Variants in VWC2L observed in about 807,000 individuals in gnomAD.
VWC2L encodes von Willebrand factor C domain-containing protein 2-like.
VWC2L carries 10 observed loss-of-function variants against 21.6 expected under a neutral mutation model. The ratio of observed to expected loss-of-function variants is 0.46; its 90% CI spans 0.29 to 0.78. VWC2L has a LOEUF of 0.78. Ranked by LOEUF, VWC2L falls within the 30% of genes least tolerant of loss-of-function variation. VWC2L has a pLI of 0.10. For missense variants in VWC2L, 209 were observed against 277.1 expected (o/e 0.75, Z 1.74); for synonymous variants, 96 against 94.3 (o/e 1.02, Z -0.10).
At chr2:214,441,716 A>G (rs2126180699) in intron 3 of VWC2L, among the ~76,000 whole-genome samples, 1 of 152,160 alleles carries the variant, frequency 6.6e-6, no homozygotes, top group African/African-American at 2.4e-5. Flanking sequence ...GGATAATTAA[A>G]TATATAACAG....
At chr2:214,433,445 G>T (rs1702633624) in intron 2 of VWC2L, among the ~76,000 whole-genome samples, 1 of 151,930 alleles carries the variant, frequency 6.6e-6, no homozygotes, top group South Asian at 2.1e-4. Flanking sequence ...AATGCTAGTA[G>T]AAATAATTTT....
chr2:214,518,717 C>T (rs1202734139), intron 3 of VWC2L, among the ~76,000 whole-genome samples: 1 of 150,600 alleles, frequency 6.6e-6, no homozygotes, highest in African/African-American at 2.4e-5. Context: ...CTCAGTAGTA[C>T]TGTATATCTT....
At position 214,577,751 on chromosome 2, in the gene VWC2L, T is replaced by G. The variant is rs192567497; in HGVS notation, c.*1931T>G. The stretch of plus-strand genomic sequence containing the variant: ...TTTAAAATTGTCAGCCTCTCCTCCC[T>G]GGAAGCATCTGCTGTCATCAAGAAA... On this transcript the variant is annotated 3_prime_UTR_variant, in exon 4 of 4. Coordinates refer to ENST00000312504, the MANE Select transcript of VWC2L (RefSeq NM_001080500.4). 1 of 152,216 alleles carries G rather than the reference T, an allele frequency of 6.6e-6. No individual in the cohort carries two copies. Among genetic ancestry groups the G allele is most frequent in the Non-Finnish European group, 1.5e-5 (1 of 68,054 alleles). The allele number at this position is 152,216 out of a possible 1,614,324, so 9.4% of individuals were successfully genotyped here.
intron 3 of VWC2L, among the ~76,000 whole-genome samples, chr2:214,471,519 A>G (rs1269847620): frequency 6.6e-6 from 1 of 152,220 alleles, no homozygotes; most frequent in Non-Finnish European, 1.5e-5. Flanking sequence ...TCTTCACAAC[A>G]GCCCTTTTGC....
chr2:214,448,926 C>T (rs1286087991), intron 3 of VWC2L, among the ~76,000 whole-genome samples: 2 of 152,072 alleles, frequency 1.3e-5, no homozygotes, highest in Non-Finnish European at 2.9e-5. Flanking sequence ...CACTCAATGC[C>T]CTCTGAGTCA....
chr2:214,467,944 G>C (rs540017206), intron 3 of VWC2L, among the ~76,000 whole-genome samples: 1 of 152,094 alleles, frequency 6.6e-6, no homozygotes, highest in Non-Finnish European at 1.5e-5. Flanking sequence ...CCAGGAGTTA[G>C]AGACCAGCCT....
chr2:214,418,578 G>C (rs529889721), intron 2 of VWC2L, among the ~76,000 whole-genome samples: 1 of 152,146 alleles, frequency 6.6e-6, no homozygotes, highest in African/African-American at 2.4e-5. Context: ...TGAACCCTTC[G>C]AGGCTAGCGA....
chr2:214,527,440 T>C (rs79229519), intron 3 of VWC2L, among the ~76,000 whole-genome samples: 1,525 of 152,296 alleles, frequency 0.01, 24 homozygotes, highest in African/African-American at 0.035. Context: ...CTCCAATTAC[T>C]TTCCATTGTG....
intron 3 of VWC2L, among the ~76,000 whole-genome samples, chr2:214,510,018 C>A (rs552632243): frequency 2.0e-5 from 3 of 152,096 alleles, no homozygotes; most frequent in African/African-American, 7.2e-5. Flanking sequence ...AAATAAGATC[C>A]CAGTTGAAAC....
chr2:214,567,579 C>G (rs867590635), intron 3 of VWC2L, among the ~76,000 whole-genome samples: 7,645 of 40,940 alleles, frequency 0.19, 425 homozygotes, highest in Middle Eastern at 0.26. Context: ...CACACACACA[C>G]ACACACACAC....
intron 3 of VWC2L, among the ~76,000 whole-genome samples, chr2:214,496,547 C>T (rs910306958): frequency 3.3e-5 from 5 of 152,090 alleles, no homozygotes; most frequent in South Asian, 2.1e-4. Context: ...CCTAAGAATA[C>T]GTTCAACAGT....
At chr2:214,480,251 A>G (rs1574588122) in intron 3 of VWC2L, among the ~76,000 whole-genome samples, 1 of 152,184 alleles carries the variant, frequency 6.6e-6, no homozygotes. Flanking sequence ...CTGATATTGT[A>G]TGGTAATAAA....
At chr2:214,456,066 T>C (rs780275364) in intron 3 of VWC2L, among the ~76,000 whole-genome samples, 17 of 152,192 alleles carry the variant, frequency 1.1e-4, no homozygotes, top group Non-Finnish European at 2.1e-4. Flanking sequence ...GTAGTGGAAT[T>C]GCTGGGTCAT....
intron 3 of VWC2L, among the ~76,000 whole-genome samples, chr2:214,517,741 A>T (rs1484639692): frequency 6.6e-6 from 1 of 152,252 alleles, no homozygotes; most frequent in African/African-American, 2.4e-5. Flanking sequence ...AATAATGGTG[A>T]TAATACAAGG....
intron 3 of VWC2L, among the ~76,000 whole-genome samples, chr2:214,437,274 A>G (rs1316993095): frequency 6.6e-6 from 1 of 152,176 alleles, no homozygotes; most frequent in African/African-American, 2.4e-5. Context: ...TAGGGCCTTT[A>G]TTGTAGGTTT....
chr2:214,463,638 A>T (rs1004318202), intron 3 of VWC2L, among the ~76,000 whole-genome samples: 15 of 152,138 alleles, frequency 9.9e-5, no homozygotes, highest in African/African-American at 3.4e-4. Flanking sequence ...CATTTTAAAA[A>T]ATTAACTGAA....
chr2:214,483,837 T>C (rs185600873), intron 3 of VWC2L, among the ~76,000 whole-genome samples: 3 of 152,078 alleles, frequency 2.0e-5, no homozygotes, highest in East Asian at 3.9e-4. Context: ...GCAGAAGGGA[T>C]TGGATTGGTT....
intron 3 of VWC2L, among the ~76,000 whole-genome samples, chr2:214,575,192 G>C (rs1690210495): frequency 6.6e-6 from 1 of 152,140 alleles, no homozygotes; most frequent in Non-Finnish European, 1.5e-5. Flanking sequence ...TCCAGGAACT[G>C]GGCTGGGGAG....
intron 3 of VWC2L, among the ~76,000 whole-genome samples, chr2:214,550,571 A>G (rs1689778449): frequency 6.6e-6 from 1 of 152,132 alleles, no homozygotes; most frequent in Admixed American, 6.6e-5. Context: ...GACATTACCC[A>G]TCACCCCATT....
Sources: gnomAD v4.1 joint callset for allele counts (sites outside exome capture counted in the v4.1 genomes callset) on GRCh38, gnomAD v4.1.1 for gene constraint, MANE v1.5 for transcripts, NCBI Gene and HGNC (gene_info 2026-07-23, HGNC 2026-07-21) for gene names.